The following CRB1 variants were observed in gnomAD, a reference collection of about 807,000 sequenced individuals.
CRB1 encodes the protein protein crumbs homolog 1.
CRB1 carries 83 observed loss-of-function variants against 120.0 expected under a neutral mutation model. That is an observed-to-expected ratio of 0.69 (90% confidence interval 0.58 to 0.83). The LOEUF (loss-of-function observed/expected upper bound fraction) is 0.83. Among genes scored for constraint, CRB1 ranks in the 40% least tolerant of loss-of-function variants. The probability of loss-of-function intolerance (pLI) is 0.00; values close to 1 mark genes in which losing one functional copy is unlikely to be tolerated. For synonymous variants in CRB1, 625 were observed against 612.5 expected (o/e 1.02, Z -0.30); for missense variants, 1,699 against 1,687.6 (o/e 1.01, Z -0.12).
Position 197,427,406 on chromosome 1 carries a change from T to TA in CRB1, c.2129-46dup. 3.8e-6 allele frequency: 6 copies of TA among 1,573,066 alleles called. No individual in the cohort carries two copies. The South Asian group carries it at 6.7e-5, about 17-fold the overall frequency. On this transcript the variant is annotated intron_variant, in intron 6 of 11. Coordinates refer to ENST00000367400, the MANE Select transcript of CRB1 (RefSeq NM_201253.3). Reference sequence around the variant, plus strand: ...TCCATCCCTTCTGTCTTTTGAGCCTTAAGATGTTTCTTTTTTTTTCTCCTC... The same window carrying TA: ...TCCATCCCTTCTGTCTTTTGAGCCTTAAAGATGTTTCTTTTTTTTTCTCCTC...
the CRB1 span, among the ~76,000 whole-genome samples, chr1:197,226,108 C>T: frequency 6.6e-6 from 1 of 152,144 alleles, no homozygotes; most frequent in East Asian, 1.9e-4. Context: ...GGGGTTTCGC[C>T]ATGTTGCCCA....
chr1:197,372,454 C>A (rs1168271681), intron 5 of CRB1, among the ~76,000 whole-genome samples: 1 of 152,162 alleles, frequency 6.6e-6, no homozygotes, highest in Non-Finnish European at 1.5e-5. Flanking sequence ...GACTCTAGTT[C>A]AGAATTTCTG....
chr1:197,402,201 C>T (rs996454474), intron 5 of CRB1, among the ~76,000 whole-genome samples: 1 of 152,112 alleles, frequency 6.6e-6, no homozygotes, highest in Non-Finnish European at 1.5e-5. Context: ...GCTCCTCTCC[C>T]TCAACTTACC....
rs1407798485 is a variant in CRB1 at position 197,478,226 on chromosome 1, T to C, written c.*347T>C. Reference sequence around the variant, plus strand: ...AACAAATTTTAGTTTTCATTTTAGGTTTCTGTACTTTCTGTAGTTTCTGTG... The same window carrying C: ...AACAAATTTTAGTTTTCATTTTAGGCTTCTGTACTTTCTGTAGTTTCTGTG... On this transcript the variant is annotated 3_prime_UTR_variant, in exon 12 of 12. Coordinates refer to ENST00000367400, the MANE Select transcript of CRB1 (RefSeq NM_201253.3). 1 of 324,852 alleles carries C rather than the reference T, an allele frequency of 3.1e-6. No homozygotes were observed. Among genetic ancestry groups the C allele is most frequent in the East Asian group, 7.8e-5 (1 of 12,782 alleles). The allele number at this position is 324,852 out of a possible 1,614,324, so 20.1% of individuals were successfully genotyped here. A position where few individuals can be genotyped will look rare whatever the true frequency, so the allele number is the denominator to read the frequency against.
At chr1:197,458,548 G>C (rs1215297919) in intron 11 of CRB1, among the ~76,000 whole-genome samples, 1 of 151,988 alleles carries the variant, frequency 6.6e-6, no homozygotes. Flanking sequence ...CTGACATTCT[G>C]GGCTTCTAGG....
At chr1:197,435,691 C>G in intron 9 of CRB1, 79 bp downstream of exon 9, 1 of 1,269,150 alleles carries the variant, frequency 7.9e-7, no homozygotes, top group South Asian at 1.3e-5. Flanking sequence ...GGAAAGCTCT[C>G]TCCTCAAGGT....
intron 5 of CRB1, among the ~76,000 whole-genome samples, chr1:197,372,154 G>A (rs1661403240): frequency 6.6e-6 from 1 of 152,078 alleles, no homozygotes; most frequent in African/African-American, 2.4e-5. Context: ...AGGACTCTAA[G>A]CAATAAGATG....
intron 10 of CRB1, chr1:197,441,557 T>C (rs1665432664): frequency 1.3e-5 from 2 of 152,276 alleles, no homozygotes; most frequent in South Asian, 2.1e-4. Flanking sequence ...CTTCTAATTA[T>C]TGATTTTTGC....
intron 1 of CRB1, among the ~76,000 whole-genome samples, chr1:197,273,132 C>T (rs1764635): frequency 0.022 from 3,307 of 152,164 alleles, 122 homozygotes; most frequent in African/African-American, 0.075. Context: ...TGAGGTTCCT[C>T]TTGGCTGTGA....
chr1:197,278,876 T>C (rs996563012), intron 1 of CRB1, among the ~76,000 whole-genome samples: 5 of 151,812 alleles, frequency 3.3e-5, no homozygotes, highest in African/African-American at 1.2e-4. Flanking sequence ...TACACTGTAG[T>C]GGGGTGGGCA....
chr1:197,361,143 T>C (rs1309993290), intron 5 of CRB1, among the ~76,000 whole-genome samples: 1 of 152,134 alleles, frequency 6.6e-6, no homozygotes, highest in East Asian at 1.9e-4. Context: ...TAATATTTTA[T>C]GACTTTTTTG....
At chr1:197,398,832 G>C (rs2125428128) in intron 5 of CRB1, among the ~76,000 whole-genome samples, 1 of 151,450 alleles carries the variant, frequency 6.6e-6, no homozygotes, top group African/African-American at 2.4e-5. Flanking sequence ...ATTCTGGAAG[G>C]GGTAAAATCC....
At chr1:197,295,101 G>A (rs1277916724) in intron 1 of CRB1, among the ~76,000 whole-genome samples, 4 of 151,876 alleles carry the variant, frequency 2.6e-5, no homozygotes, top group African/African-American at 9.7e-5. Context: ...TGTTTGGGAG[G>A]CAAGTATTTT....
the CRB1 span, among the ~76,000 whole-genome samples, chr1:197,242,713 T>C: frequency 6.6e-6 from 1 of 152,148 alleles, no homozygotes; most frequent in Admixed American, 6.5e-5. Flanking sequence ...GGAGTCCCTC[T>C]TTTTATATTG....
intron 6 of CRB1, among the ~76,000 whole-genome samples, chr1:197,426,125 C>T (rs1170980711): frequency 1.3e-5 from 2 of 151,950 alleles, no homozygotes; most frequent in Non-Finnish European, 2.9e-5. Context: ...AATAGAAAGT[C>T]CATGCTTCCA....
At chr1:197,369,534 A>T (rs758161562) in intron 5 of CRB1, among the ~76,000 whole-genome samples, 4 of 152,170 alleles carry the variant, frequency 2.6e-5, no homozygotes, top group Non-Finnish European at 4.4e-5. Flanking sequence ...CCATTGGCAA[A>T]AAAAACTACC....
intron 1 of CRB1, among the ~76,000 whole-genome samples, chr1:197,294,762 T>C (rs1001747120): frequency 5.3e-5 from 8 of 152,116 alleles, no homozygotes; most frequent in Admixed American, 1.3e-4. Flanking sequence ...TGTAGGGACA[T>C]GGATGAAGCT....
chr1:197,306,961 G>T (rs929679202), intron 1 of CRB1, among the ~76,000 whole-genome samples: 2 of 152,090 alleles, frequency 1.3e-5, no homozygotes, highest in Non-Finnish European at 2.9e-5. Context: ...GATTTGTGTG[G>T]CCTGACCATT....
At chr1:197,277,285 G>A (rs1281311794) in intron 1 of CRB1, among the ~76,000 whole-genome samples, 3 of 151,908 alleles carry the variant, frequency 2.0e-5, no homozygotes, top group Non-Finnish European at 4.4e-5. Flanking sequence ...GGTTCTCCAC[G>A]TAATTGTCCT....
Sources: gnomAD v4.1 joint callset for allele counts (sites outside exome capture counted in the v4.1 genomes callset) on GRCh38, gnomAD v4.1.1 for gene constraint, MANE v1.5 for transcripts, NCBI Gene and HGNC (gene_info 2026-07-23, HGNC 2026-07-21) for gene names.